Variants in IMPA1 observed in about 807,000 individuals in gnomAD.
IMPA1 encodes the protein inositol monophosphatase 1, also known as D-galactose 1-phosphate phosphatase.
IMPA1 carries 21 observed loss-of-function variants against 34.9 expected under a neutral mutation model. The ratio of observed to expected loss-of-function variants is 0.60; its 90% confidence interval spans 0.43 to 0.87. The LOEUF (loss-of-function observed/expected upper bound fraction) is 0.87. IMPA1 is among the 40% of genes least tolerant of loss of function. IMPA1 has a pLI of 0.00. For synonymous variants in IMPA1, 95 were observed against 104.4 expected (o/e 0.91, Z 0.55); for missense variants, 299 against 336.4 (o/e 0.89, Z 0.87).
At chr8:81,672,782 T>A (rs1304879920) in intron 6 of IMPA1, among the ~76,000 whole-genome samples, 4 of 152,230 alleles carry the variant, frequency 2.6e-5, no homozygotes. Context: ...TTATAAAATA[T>A]ATATGTCTCA....
chr8:81,666,869 C>T (rs75596276), intron 7 of IMPA1, among the ~76,000 whole-genome samples: 1 of 39,352 alleles, frequency 2.5e-5, no homozygotes. Flanking sequence ...GACTCTGTCT[C>T]AAAAAAAAAA....
At chr8:81,684,755 A>C (rs199632402) in intron 1 of IMPA1, among the ~76,000 whole-genome samples, 1 of 140,740 alleles carries the variant, frequency 7.1e-6, no homozygotes, top group African/African-American at 2.6e-5. Context: ...ACATAAGTAT[A>C]TTTAGATACT....
At chr8:81,677,049 CTG>C (rs1807152626) in intron 4 of IMPA1, among the ~76,000 whole-genome samples, 1 of 151,024 alleles carries the variant, frequency 6.6e-6, no homozygotes, top group Admixed American at 6.6e-5. Context: ...AAAAAGAAAA[CTG>C]TAAAAACTTT....
intron 5 of IMPA1, chr8:81,674,512 G>GT (rs2130293831): frequency 4.0e-6 from 1 of 247,198 alleles, no homozygotes; most frequent in African/African-American, 2.3e-5. Flanking sequence ...AACTTTCTTT[G>GT]TTGCCTCAAA....
rs536875944 is a variant in IMPA1 at position 81,686,244 on chromosome 8, G to T, written c.-25+8C>A. The T allele has an allele frequency of 2.0e-6, 2 of 1,014,380 alleles. No individual in the cohort carries two copies. The highest frequency in any genetic ancestry group is 2.4e-6 in the Non-Finnish European group (2 of 844,592). The allele number at this position is 1,014,380 out of a possible 1,614,324, so 62.8% of individuals were successfully genotyped here. On this transcript the variant is annotated splice_region_variant and intron_variant, in intron 1 of 8. Coordinates refer to ENST00000256108, the MANE Select transcript of IMPA1 (RefSeq NM_005536.4). ...CGGAGGGTGCGGTGAGGAAAATAACGGTCTCACCTTGAGTCGGAGGACGTC... is the reference window on the plus strand; with the variant it reads ...CGGAGGGTGCGGTGAGGAAAATAACTGTCTCACCTTGAGTCGGAGGACGTC...
chr8:81,684,839 T>C (rs1807445985), intron 1 of IMPA1, among the ~76,000 whole-genome samples: 1 of 140,936 alleles, frequency 7.1e-6, no homozygotes, highest in African/African-American at 2.6e-5. Context: ...ATAGTATCTA[T>C]GTGTAGTATA....
chr8:81,679,135 A>T lies in IMPA1; in HGVS notation c.293T>A (p.Phe98Tyr), dbSNP rs142316043. 6.2e-7 allele frequency: 1 copy of T among 1,603,824 alleles called. No homozygotes were observed. Among genetic ancestry groups the T allele is most frequent in the Non-Finnish European group, 8.5e-7 (1 of 1,170,598 alleles). ...IIDPIDGTTN[F>Y]VHRFPFVAVS... ...ACATTTTAAAACATACCTATGTACA[A>T]AGTTAGTTGTTCCATCAATAGGGTC... is the stretch of plus-strand genomic sequence containing the variant. The change falls in exon 4 of 9, where the codon TTT (phenylalanine) becomes TAT (tyrosine). Residue 98 changes from phenylalanine to tyrosine, a missense_variant. Phe to Tyr is a conservative substitution (Grantham distance 22). Coordinates refer to ENST00000256108, the MANE Select transcript of IMPA1 (RefSeq NM_005536.4).
rs115272555 is a variant in IMPA1, at chr8:81,667,658, G to C, written c.566+3281C>G. 4.2e-3 allele frequency among the ~76,000 whole-genome samples: 633 copies of C among 152,220 alleles called. 7 individuals are homozygous for C. Among genetic ancestry groups the C allele is most frequent in the African/African-American group, 0.015 (616 of 41,560 alleles). On this transcript the variant is annotated intron_variant, in intron 7 of 8. Coordinates refer to ENST00000256108, the MANE Select transcript of IMPA1 (RefSeq NM_005536.4). Reference sequence around the variant, plus strand: ...GCCAGGGAAAGTTTGGAATGCCTTAGAGATTGAGTTAAGTAGCTCTGACCA... The same window carrying C: ...GCCAGGGAAAGTTTGGAATGCCTTACAGATTGAGTTAAGTAGCTCTGACCA...
chr8:81,672,210 G>T lies in IMPA1; in HGVS notation c.458-1163C>A, dbSNP rs75486078. Reference sequence around the variant, plus strand: ...CTCTAAGTTCTTGCTGCACTGAAAAGAATTTCAATGTGCAAACTGTGGAAA... The same window carrying T: ...CTCTAAGTTCTTGCTGCACTGAAAATAATTTCAATGTGCAAACTGTGGAAA... On this transcript the variant is annotated intron_variant, in intron 6 of 8. Coordinates refer to ENST00000256108, the MANE Select transcript of IMPA1 (RefSeq NM_005536.4). 8.3e-3 allele frequency among the ~76,000 whole-genome samples: 1,266 copies of T among 152,314 alleles called. 17 individuals carry two copies. The highest frequency in any genetic ancestry group is 0.029 in the African/African-American group (1,195 of 41,568).
At chr8:81,672,640 T>C (rs982620472) in intron 6 of IMPA1, among the ~76,000 whole-genome samples, 2 of 152,230 alleles carry the variant, frequency 1.3e-5, no homozygotes, top group Non-Finnish European at 2.9e-5. Context: ...TCCAAGGTAA[T>C]CTAGAAGTGT....
intron 7 of IMPA1, among the ~76,000 whole-genome samples, chr8:81,670,522 T>C (rs1045593692): frequency 6.6e-6 from 1 of 152,124 alleles, no homozygotes; most frequent in East Asian, 1.9e-4. Flanking sequence ...AAATAACCAC[T>C]GATATAGAGA....
At chr8:81,671,341 A>C (rs1806984365) in intron 6 of IMPA1, among the ~76,000 whole-genome samples, 1 of 152,196 alleles carries the variant, frequency 6.6e-6, no homozygotes, top group Non-Finnish European at 1.5e-5. Flanking sequence ...GAGAGACTAA[A>C]TTCAATAAGG....
chr8:81,684,617 TATACTACACATA>T (rs1807435025), intron 1 of IMPA1, among the ~76,000 whole-genome samples: 1 of 129,292 alleles, frequency 7.7e-6, no homozygotes, highest in African/African-American at 3.2e-5. Context: ...CTAGTATATA[TATACTACACATA>T]AGTATATATA....
chr8:81,679,637 A>C (rs1008235878), intron 3 of IMPA1, among the ~76,000 whole-genome samples: 39 of 151,790 alleles, frequency 2.6e-4, no homozygotes, highest in Admixed American at 7.2e-4. Flanking sequence ...AAAAATAGCA[A>C]AAGTCTGTAC....
At chr8:81,673,448 T>C (rs911254567) in intron 6 of IMPA1, among the ~76,000 whole-genome samples, 1 of 152,150 alleles carries the variant, frequency 6.6e-6, no homozygotes, top group Non-Finnish European at 1.5e-5. Context: ...CTCCCTAAAA[T>C]GTATAAAAGG....
rs1164509072 is a variant in IMPA1 at position 81,659,415 on chromosome 8, A to T, written c.770T>A (p.Ile257Lys). 2 of 1,612,380 alleles carry T rather than the reference A, an allele frequency of 1.2e-6. No individual in the cohort carries two copies. The highest frequency in any genetic ancestry group is 1.7e-6 in the Non-Finnish European group (2 of 1,178,774). ...TTCTTTAGCTATCCTTTCTGCTAAT[A>T]TTCTATTATTTGCAGCAATTACTCT... Reference protein sequence around the residue: ...SRRVIAANNRILAERIAKEIQ... With the variant: ...SRRVIAANNRKLAERIAKEIQ... The change falls in exon 9 of 9, where the codon ATA (isoleucine) becomes AAA (lysine). Residue 257 changes from isoleucine to lysine, a missense_variant. Coordinates refer to ENST00000256108, the MANE Select transcript of IMPA1 (RefSeq NM_005536.4).
Position 81,660,786 on chromosome 8 carries a change from A to G in IMPA1, c.567-119T>C, listed in dbSNP as rs548621495. 168 of 592,972 alleles carry G rather than the reference A, an allele frequency of 2.8e-4. 3 individuals are homozygous for G. In the South Asian group the frequency reaches 7.0e-3, roughly 25 times the overall value. 36.7% of individuals were successfully genotyped at this position (592,972 alleles called of 1,614,324 possible). On this transcript the variant is annotated intron_variant, in intron 7 of 8. Transcript: ENST00000256108. ...ACTTGGAACGATCTAGAGGATAAAGATTTTAAGAGGTGATATCTAATTGTA... is the reference window on the plus strand; with the variant it reads ...ACTTGGAACGATCTAGAGGATAAAGGTTTTAAGAGGTGATATCTAATTGTA...
At chr8:81,686,074 G>T in intron 1 of IMPA1, 178 bp downstream of exon 1, 1 of 1,017,538 alleles carries the variant, frequency 9.8e-7, no homozygotes, top group Non-Finnish European at 1.3e-6. Flanking sequence ...ACTGTTCCCG[G>T]TCGCCCAGGG....
chr8:81,673,344 G>C (rs1203454177), intron 6 of IMPA1, among the ~76,000 whole-genome samples: 4 of 152,172 alleles, frequency 2.6e-5, no homozygotes, highest in Non-Finnish European at 4.4e-5. Flanking sequence ...ATAATCATTT[G>C]TCTTTTATCT....
Sources: allele counts gnomAD v4.1 joint callset (sites outside exome capture counted in the v4.1 genomes callset), GRCh38; gene constraint gnomAD v4.1.1; transcripts MANE v1.5; gene names NCBI Gene and HGNC (gene_info 2026-07-23, HGNC 2026-07-21).